The following DNAH8 variants were observed in gnomAD, a reference collection of about 807,000 sequenced individuals.
The protein encoded by DNAH8 is axonemal beta dynein heavy chain 8.
In DNAH8, 382 loss-of-function variants were observed where a neutral mutation model predicts 562.1. The observed-to-expected ratio is 0.68, with a 90% CI of 0.63 to 0.74. The LOEUF is 0.74. DNAH8 is among the 30% of genes least tolerant of loss of function. The pLI is 0.00. For missense variants in DNAH8, 5,203 were observed against 5,620.4 expected, an observed-to-expected ratio of 0.93 and a Z score of 2.37; for synonymous variants, 1,881 against 1,919.4, an observed-to-expected ratio of 0.98 and a Z score of 0.52.
chr6:38,730,087 A>G, intron 4 of DNAH8, 101 bp downstream of exon 4: 1 of 610,264 alleles, frequency 1.6e-6, no homozygotes, highest in Non-Finnish European at 2.9e-6. Context: ...ATTTATAAAG[A>G]AAATGTTACC....
rs34980133 is a variant in DNAH8, at chr6:38,772,029, C to CTT, written c.1764+1486_1764+1487dup. On this transcript the variant is annotated intron_variant, in intron 12 of 92. Coordinates refer to ENST00000327475, the MANE Select transcript of DNAH8 (RefSeq NM_001206927.2). ...CAGCAAAGTATGAGGTTTATGATTT[C>CTT]TTTTTTTTTTTTTTTTTGAGACGGA... Among the ~76,000 whole-genome samples the CTT allele has an allele frequency of 7.4e-4, 98 of 131,904 alleles. 3 individuals are homozygous for CTT. Among genetic ancestry groups the CTT allele is most frequent in the Non-Finnish European group, 8.9e-4 (56 of 62,748 alleles). The allele number at this position is 131,904 out of a possible 152,430, so 86.5% of individuals were successfully genotyped here.
chr6:38,750,346 A>G (rs1047523970), intron 8 of DNAH8, 130 bp from the exon 9 acceptor site: 2 of 499,600 alleles, frequency 4.0e-6, no homozygotes, highest in Non-Finnish European at 6.9e-6. Flanking sequence ...AGAAAAACAT[A>G]TATTAATCAC....
chr6:38,893,375 G>T (rs9470944), intron 58 of DNAH8, among the ~76,000 whole-genome samples: 17,298 of 152,170 alleles, frequency 0.11, 1,097 homozygotes, highest in South Asian at 0.23. Context: ...GGAAATATTA[G>T]AAGAGAAGGA....
intron 79 of DNAH8, among the ~76,000 whole-genome samples, chr6:38,943,157 G>T (rs771370823): frequency 9.9e-5 from 15 of 152,192 alleles, no homozygotes; most frequent in Admixed American, 2.6e-4. Flanking sequence ...CAGGGATGTG[G>T]CATGAACAGA....
chr6:38,959,180 T>C (rs1762456527), intron 82 of DNAH8, among the ~76,000 whole-genome samples: 1 of 152,142 alleles, frequency 6.6e-6, no homozygotes, highest in South Asian at 2.1e-4. Context: ...CATACTAAAC[T>C]GGGAAAAGTT....
Position 38,715,848 on chromosome 6 carries a change from TCAC to T in DNAH8, c.-35+437_-35+439del, listed in dbSNP as rs1375349770. On this transcript the variant is annotated intron_variant, in intron 1 of 92. Coordinates refer to ENST00000327475, the MANE Select transcript of DNAH8 (RefSeq NM_001206927.2). ...CTGGATGACCCTGAAGTCTCAGACT[TCAC>T]CACTATCCAATGCATCCATGTAAAA... 1.9e-5 allele frequency among the ~76,000 whole-genome samples: 2 copies of T among 103,662 alleles called. 1 individual carries two copies. Among genetic ancestry groups the T allele is most frequent in the Non-Finnish European group, 5.0e-5 (2 of 40,384 alleles). The allele number at this position is 103,662 out of a possible 152,430, so 68.0% of individuals were successfully genotyped here. A position where few individuals can be genotyped will look rare whatever the true frequency, so the allele number is the denominator to read the frequency against.
At chr6:38,887,776 A>C (rs1372269575) in intron 57 of DNAH8, among the ~76,000 whole-genome samples, 3 of 151,988 alleles carry the variant, frequency 2.0e-5, no homozygotes, top group Non-Finnish European at 4.4e-5. Context: ...ACCCTTGCAT[A>C]TAAGAACATT....
intron 77 of DNAH8, 142 bp downstream of exon 77, chr6:38,935,839 G>T: frequency 1.7e-6 from 1 of 585,594 alleles, no homozygotes; most frequent in Non-Finnish European, 2.9e-6. Context: ...TTTCCATCTA[G>T]ACATTAAAGA....
chr6:38,971,913 A>G (rs1273504814), intron 83 of DNAH8: 1 of 326,782 alleles, frequency 3.1e-6, no homozygotes, highest in East Asian at 4.8e-5. Flanking sequence ...TGGGAGACAC[A>G]CCTTCTGATT....
chr6:38,821,321 A>G (rs1174811196), intron 26 of DNAH8, among the ~76,000 whole-genome samples: 20 of 152,234 alleles, frequency 1.3e-4, no homozygotes, highest in Admixed American at 1.3e-3. Flanking sequence ...CATTGCTGAA[A>G]GTTATTCTAT....
At chr6:39,017,249 G>T (rs1424937975) in intron 91 of DNAH8, among the ~76,000 whole-genome samples, 12 of 149,242 alleles carry the variant, frequency 8.0e-5, no homozygotes, top group Admixed American at 6.6e-4. Context: ...GCAAAGGATG[G>T]CCCTGGTCTG....
intron 26 of DNAH8, among the ~76,000 whole-genome samples, chr6:38,820,045 AT>A (rs1333839245): frequency 1.3e-5 from 2 of 152,278 alleles, no homozygotes; most frequent in South Asian, 2.1e-4. Context: ...ATCATAATAG[AT>A]TTTTTTCTGT....
Position 38,729,988 on chromosome 6 carries a change from T to C in DNAH8, c.610+2T>C. ...AAGAAGGAGATGTACCTGGTATTGG[T>C]AAGAATTTTCTGAGGGCAGTGTGCC... is the stretch of plus-strand genomic sequence containing the variant. On this transcript the variant is annotated splice_donor_variant, in intron 4 of 92. Coordinates refer to ENST00000327475, the MANE Select transcript of DNAH8 (RefSeq NM_001206927.2). LOFTEE classifies it high-confidence loss of function. The C allele has an allele frequency of 6.5e-7, 1 of 1,534,828 alleles. No homozygotes were observed. Among genetic ancestry groups the C allele is most frequent in the Non-Finnish European group, 9.0e-7 (1 of 1,113,880 alleles).
At chr6:38,849,106 G>A (rs1294222105) in intron 37 of DNAH8, among the ~76,000 whole-genome samples, 1 of 152,024 alleles carries the variant, frequency 6.6e-6, no homozygotes, top group Non-Finnish European at 1.5e-5. Context: ...AAGTTTTTTA[G>A]GAAGTGCTGA....
chr6:38,856,769 T>A (rs932854080), intron 41 of DNAH8, among the ~76,000 whole-genome samples: 2 of 152,188 alleles, frequency 1.3e-5, no homozygotes, highest in Non-Finnish European at 2.9e-5. Flanking sequence ...AGTATCCACA[T>A]ACTGCCTGCC....
At chr6:39,018,710 G>T (rs905537539) in intron 91 of DNAH8, among the ~76,000 whole-genome samples, 1 of 152,140 alleles carries the variant, frequency 6.6e-6, no homozygotes, top group Non-Finnish European at 1.5e-5. Context: ...TCTTGTGAAT[G>T]GGCTCCTCAT....
chr6:38,834,927 A>G (rs1217947410), intron 32 of DNAH8, among the ~76,000 whole-genome samples: 1 of 152,218 alleles, frequency 6.6e-6, no homozygotes, highest in Non-Finnish European at 1.5e-5. Flanking sequence ...GTAATAAGAA[A>G]TCATAGTATA....
At chr6:38,718,403 T>G (rs1000879148) in intron 1 of DNAH8, among the ~76,000 whole-genome samples, 2 of 152,052 alleles carry the variant, frequency 1.3e-5, no homozygotes, top group Admixed American at 6.6e-5. Context: ...AGTTGATAAG[T>G]TGATCTTTTA....
At chr6:38,716,461 A>C (rs1183711439) in intron 1 of DNAH8, 1 of 151,726 alleles carries the variant, frequency 6.6e-6, no homozygotes, top group Non-Finnish European at 1.5e-5. Context: ...TCTGCCTATA[A>C]TGTTTCTCTC....
Sources: gnomAD v4.1 joint callset for allele counts (sites outside exome capture counted in the v4.1 genomes callset) on GRCh38, gnomAD v4.1.1 for gene constraint, MANE v1.5 for transcripts, NCBI Gene and HGNC (gene_info 2026-07-23, HGNC 2026-07-21) for gene names.